PKHD1: variants seen among roughly 807,000 people sequenced by gnomAD.
PKHD1 encodes PKHD1 ciliary IPT domain containing fibrocystin/polyductin.
Under a neutral mutation model 412.0 loss-of-function variants are expected in PKHD1, and 291 were observed. The observed-to-expected ratio is 0.71, with a 90% CI of 0.64 to 0.78. The LOEUF (loss-of-function observed/expected upper bound fraction) is 0.78, where lower values mean the gene tolerates loss of function less well. Ranked by LOEUF, PKHD1 falls within the 30% of genes least tolerant of loss-of-function variation. PKHD1 has a pLI of 0.00. For missense variants in PKHD1, 4,825 were observed against 4,950.7 expected (o/e 0.97, Z 0.76); for synonymous variants, 1,777 against 1,821.5 (o/e 0.98, Z 0.62).
At chr6:51,821,168 CAATAAAACTAGGTAA>C (rs1766357392) in intron 52 of PKHD1, among the ~76,000 whole-genome samples, 2 of 152,118 alleles carry the variant, frequency 1.3e-5, no homozygotes, top group Admixed American at 1.3e-4. Flanking sequence ...GTTCTTAGGG[CAATAAAACTAGGTAA>C]AATATGTTTA....
intron 61 of PKHD1, among the ~76,000 whole-genome samples, chr6:51,654,406 A>G (rs1257109194): frequency 6.6e-6 from 1 of 152,118 alleles, no homozygotes; most frequent in East Asian, 1.9e-4. Flanking sequence ...TATAGGGACC[A>G]TATGATATTT....
At chr6:51,764,624 T>C (rs1437243830) in intron 55 of PKHD1, among the ~76,000 whole-genome samples, 1 of 151,768 alleles carries the variant, frequency 6.6e-6, no homozygotes, top group Non-Finnish European at 1.5e-5. Context: ...CGTATGTTTA[T>C]TGCGGCATTA....
At chr6:52,073,330 C>T (rs1171633886) in intron 7 of PKHD1, 133 bp downstream of exon 7, 8 of 768,042 alleles carry the variant, frequency 1.0e-5, no homozygotes, top group East Asian at 9.8e-5. Flanking sequence ...TCATGAGGGA[C>T]CATAAACTGC....
At chr6:52,038,468 G>A (rs1323651530) in intron 27 of PKHD1, among the ~76,000 whole-genome samples, 1 of 151,928 alleles carries the variant, frequency 6.6e-6, no homozygotes, top group African/African-American at 2.4e-5. Flanking sequence ...TGAAGGCAGA[G>A]ATTGGGGTGG....
At chr6:51,736,891 A>T (rs1237682276) in intron 60 of PKHD1, among the ~76,000 whole-genome samples, 1 of 152,232 alleles carries the variant, frequency 6.6e-6, no homozygotes, top group Non-Finnish European at 1.5e-5. Context: ...CAAAAAGTTG[A>T]GAAACTGCAA....
intron 60 of PKHD1, among the ~76,000 whole-genome samples, chr6:51,674,131 G>T (rs1265345900): frequency 6.6e-6 from 1 of 152,156 alleles, no homozygotes; most frequent in East Asian, 1.9e-4. Flanking sequence ...AGCCTGAAGG[G>T]TTTCCCACAG....
At chr6:51,672,060 A>G (rs753380991) in intron 60 of PKHD1, among the ~76,000 whole-genome samples, 8 of 152,220 alleles carry the variant, frequency 5.3e-5, no homozygotes, top group Non-Finnish European at 1.0e-4. Context: ...ATGTTCACAG[A>G]GTAGCTTTTA....
intron 27 of PKHD1, 143 bp downstream of exon 27, chr6:52,042,716 C>T: frequency 1.3e-6 from 1 of 757,466 alleles, no homozygotes. Context: ...ATGTTTGTTG[C>T]TCATTTAAAT....
chr6:51,873,511 A>G (rs1467035837), intron 46 of PKHD1, among the ~76,000 whole-genome samples: 1 of 152,212 alleles, frequency 6.6e-6, no homozygotes, highest in Non-Finnish European at 1.5e-5. Context: ...AGTTGTATAC[A>G]TATACATGGT....
chr6:51,721,681 C>G, intron 60 of PKHD1: 13 of 1,244,906 alleles, frequency 1.0e-5, no homozygotes, highest in Non-Finnish European at 1.3e-5. Context: ...ACTGGAACTT[C>G]CATTCCCAAA....
chr6:51,765,474 C>A (rs553329391), intron 55 of PKHD1, among the ~76,000 whole-genome samples: 2 of 152,134 alleles, frequency 1.3e-5, no homozygotes, highest in South Asian at 2.1e-4. Context: ...GCTCACTCTG[C>A]GCCAGCTATA....
At chr6:51,699,419 C>T (rs1779162714) in intron 60 of PKHD1, among the ~76,000 whole-genome samples, 1 of 152,072 alleles carries the variant, frequency 6.6e-6, no homozygotes, top group South Asian at 2.1e-4. Context: ...ATAGTTTGTC[C>T]CTTTTTACTT....
intron 55 of PKHD1, among the ~76,000 whole-genome samples, chr6:51,765,122 T>C (rs1243202153): frequency 6.6e-6 from 1 of 152,036 alleles, no homozygotes; most frequent in Admixed American, 6.6e-5. Flanking sequence ...CAGTGCGTGC[T>C]TCCTCCATTC....
intron 60 of PKHD1, among the ~76,000 whole-genome samples, chr6:51,660,793 A>G (rs1336890930): frequency 6.6e-6 from 1 of 152,180 alleles, no homozygotes; most frequent in African/African-American, 2.4e-5. Context: ...CCATGCGTTC[A>G]GCCACCTGAA....
At chr6:51,901,008 T>C (rs1471792425) in intron 43 of PKHD1, among the ~76,000 whole-genome samples, 10 of 151,772 alleles carry the variant, frequency 6.6e-5, no homozygotes, top group African/African-American at 2.4e-4. Flanking sequence ...CATTAAAAAG[T>C]CAGGAAACAA....
intron 53 of PKHD1, among the ~76,000 whole-genome samples, chr6:51,777,338 C>T (rs990613886): frequency 1.4e-4 from 22 of 152,034 alleles, no homozygotes; most frequent in African/African-American, 5.3e-4. Context: ...AGCCATTACT[C>T]TAGTACTCTG....
At chr6:51,895,959 C>T (rs956385717) in intron 43 of PKHD1, among the ~76,000 whole-genome samples, 35 of 152,064 alleles carry the variant, frequency 2.3e-4, no homozygotes, top group Non-Finnish European at 4.4e-4. Context: ...GCTTTTCCGA[C>T]GGGCTTAAAA....
chr6:51,970,637 A>G (rs1228270850), intron 35 of PKHD1, among the ~76,000 whole-genome samples: 1 of 152,220 alleles, frequency 6.6e-6, no homozygotes, highest in Non-Finnish European at 1.5e-5. Flanking sequence ...ATAAGGTTAA[A>G]GATAGAGGTC....
chr6:52,022,513 T>G (rs988175410), intron 33 of PKHD1, among the ~76,000 whole-genome samples: 5 of 152,142 alleles, frequency 3.3e-5, no homozygotes, highest in Non-Finnish European at 2.9e-5. Flanking sequence ...GAATTCAGAA[T>G]TACTTCCTCT....
Sources: allele counts gnomAD v4.1 joint callset (sites outside exome capture counted in the v4.1 genomes callset), GRCh38; gene constraint gnomAD v4.1.1; transcripts MANE v1.5; gene names NCBI Gene and HGNC (gene_info 2026-07-23, HGNC 2026-07-21).